The following ADCY2 variants were observed in gnomAD, a reference collection of about 807,000 sequenced individuals.
ADCY2 encodes the protein adenylate cyclase 2.
ADCY2 carries 31 observed loss-of-function variants against 125.2 expected under a neutral mutation model. The observed-to-expected ratio is 0.25, with a 90% CI of 0.19 to 0.33. The LOEUF (loss-of-function observed/expected upper bound fraction) is 0.33. ADCY2 is among the 10% of genes least tolerant of loss of function. The probability of loss-of-function intolerance (pLI) is 1.00; values close to 1 mark genes in which losing one functional copy is unlikely to be tolerated. For synonymous variants in ADCY2, 512 were observed against 548.4 expected (o/e 0.93, Z 0.93); for missense variants, 904 against 1,418.2 (o/e 0.64, Z 5.82).
At chr5:7,638,117 G>A (rs910259593) in intron 4 of ADCY2, among the ~76,000 whole-genome samples, 7 of 152,168 alleles carry the variant, frequency 4.6e-5, no homozygotes, top group Admixed American at 3.3e-4. Context: ...TGGTGACTGA[G>A]CAGCTTCAAG....
At chr5:7,641,564 G>T (rs924695784) in intron 4 of ADCY2, among the ~76,000 whole-genome samples, 11 of 151,922 alleles carry the variant, frequency 7.2e-5, no homozygotes, top group African/African-American at 2.7e-4. Context: ...ATATCATTTT[G>T]ACTTTTATTT....
chr5:7,826,954 T>C lies in ADCY2; in HGVS notation c.*83T>C. ...CTGACTGCAACTTCTGTCCCTTGTT[T>C]TTGATGTGCGTGCTGTCTGTCCTAT... On this transcript the variant is annotated 3_prime_UTR_variant, in exon 25 of 25. Coordinates refer to ENST00000338316, the MANE Select transcript of ADCY2 (RefSeq NM_020546.3). The C allele has an allele frequency of 6.6e-7, 1 of 1,504,862 alleles. No homozygotes were observed. Among genetic ancestry groups the C allele is most frequent in the Admixed American group, 2.1e-5 (1 of 48,662 alleles). 93.2% of individuals were successfully genotyped at this position (1,504,862 alleles called of 1,614,324 possible).
At chr5:7,482,728 C>T (rs1742776680) in intron 2 of ADCY2, among the ~76,000 whole-genome samples, 1 of 145,194 alleles carries the variant, frequency 6.9e-6, no homozygotes, top group African/African-American at 2.6e-5. Context: ...TGGAACCCAC[C>T]TAAGTGTCTA....
intron 4 of ADCY2, among the ~76,000 whole-genome samples, chr5:7,653,533 G>A (rs972029418): frequency 2.6e-5 from 4 of 152,146 alleles, no homozygotes; most frequent in Admixed American, 1.3e-4. Context: ...GCATGAACCC[G>A]GGAGGTGGAG....
At chr5:7,492,251 T>A (rs896361901) in intron 2 of ADCY2, among the ~76,000 whole-genome samples, 3 of 152,138 alleles carry the variant, frequency 2.0e-5, no homozygotes, top group Non-Finnish European at 4.4e-5. Context: ...GTCAGTGACA[T>A]GTTTGGAAGT....
intron 3 of ADCY2, among the ~76,000 whole-genome samples, chr5:7,527,739 A>G (rs1479635130): frequency 1.3e-5 from 2 of 152,258 alleles, no homozygotes; most frequent in Non-Finnish European, 2.9e-5. Flanking sequence ...CTAATACAGC[A>G]AATCATCTAT....
chr5:7,779,647 A>T (rs1172683675), intron 18 of ADCY2, among the ~76,000 whole-genome samples: 1 of 152,060 alleles, frequency 6.6e-6, no homozygotes, highest in Non-Finnish European at 1.5e-5. Flanking sequence ...TCTAAGCAGG[A>T]GCCTATTCCT....
At chr5:7,508,424 G>A (rs532925709) in intron 2 of ADCY2, among the ~76,000 whole-genome samples, 1 of 152,168 alleles carries the variant, frequency 6.6e-6, no homozygotes, top group Admixed American at 6.5e-5. Context: ...AAGCTCAGCA[G>A]GAAGGATGAA....
intron 3 of ADCY2, among the ~76,000 whole-genome samples, chr5:7,527,580 T>C (rs568365425): frequency 6.6e-6 from 1 of 152,336 alleles, no homozygotes; most frequent in South Asian, 2.1e-4. Flanking sequence ...CAAGAATCCA[T>C]ATTTATTAAA....
chr5:7,812,776 G>A (rs894839690), intron 22 of ADCY2, among the ~76,000 whole-genome samples: 27 of 152,168 alleles, frequency 1.8e-4, no homozygotes, highest in African/African-American at 6.5e-4. Context: ...AGGCTTGGTG[G>A]GCACACAACT....
At chr5:7,804,181 C>T (rs1744689788) in intron 21 of ADCY2, among the ~76,000 whole-genome samples, 1 of 152,026 alleles carries the variant, frequency 6.6e-6, no homozygotes. Context: ...CAGTCCTCAG[C>T]ACTAATAATT....
In ADCY2 at chr5:7,512,218, C is replaced by CAAAAAAAAA. The variant is rs57381383; in HGVS notation, c.409-8506_409-8498dup. Among the ~76,000 whole-genome samples, 144 of 57,830 alleles carry CAAAAAAAAA rather than the reference C, an allele frequency of 2.5e-3. 6 individuals carry two copies. Among genetic ancestry groups the CAAAAAAAAA allele is most frequent in the Middle Eastern group, 0.013 (1 of 76 alleles). 37.9% of individuals were successfully genotyped at this position (57,830 alleles called of 152,430 possible). On this transcript the variant is annotated intron_variant, in intron 2 of 24. Transcript: ENST00000338316. ...CCTGGGCAGTAGAGCATGACTCCAT[C>CAAAAAAAAA]AAAAAAAAAAAAAAAAAAAAAAGAA...
chr5:7,773,631 T>C lies in ADCY2; in HGVS notation c.2384+530T>C, dbSNP rs1560977004. ...AAGTAGCTGTATTCACAAGTTACAG[T>C]GTTACATTTTTCACTAGAGATTTTC... On this transcript the variant is annotated intron_variant, in intron 18 of 24. Coordinates refer to ENST00000338316, the MANE Select transcript of ADCY2 (RefSeq NM_020546.3). Among the ~76,000 whole-genome samples, 3 of 152,316 alleles carry C rather than the reference T, an allele frequency of 2.0e-5. No homozygotes were observed. In the South Asian group the frequency reaches 6.2e-4, roughly 32 times the overall value.
At position 7,741,741 on chromosome 5, in the gene ADCY2, C is replaced by T. The variant is rs1428900355; in HGVS notation, c.1872-1927C>T. ...CCATCACTATCATCATCACCATCACCATCACCATCACCATCCCTATCACTG... is the reference window on the plus strand; with the variant it reads ...CCATCACTATCATCATCACCATCACTATCACCATCACCATCCCTATCACTG... On this transcript the variant is annotated intron_variant, in intron 14 of 24. Transcript: ENST00000338316. 2.4e-4 allele frequency among the ~76,000 whole-genome samples: 35 copies of T among 144,472 alleles called. 1 individual carries two copies. The highest frequency in any genetic ancestry group is 3.5e-3 in the Middle Eastern group (1 of 286). 94.8% of individuals were successfully genotyped at this position (144,472 alleles called of 152,430 possible). A position where few individuals can be genotyped will look rare whatever the true frequency, so the allele number is the denominator to read the frequency against.
At chr5:7,632,506 G>T (rs1738349585) in intron 4 of ADCY2, among the ~76,000 whole-genome samples, 1 of 151,832 alleles carries the variant, frequency 6.6e-6, no homozygotes, top group South Asian at 2.1e-4. Flanking sequence ...GCCAGTGTTG[G>T]TTATTGCTTT....
rs1228157069 is a variant in ADCY2, at chr5:7,462,905, A to G, written c.408+48135A>G. 2.0e-5 allele frequency among the ~76,000 whole-genome samples: 3 copies of G among 152,250 alleles called. No homozygotes were observed. In the South Asian group the frequency reaches 6.2e-4, roughly 32 times the overall value. On this transcript the variant is annotated intron_variant, in intron 2 of 24. Transcript: ENST00000338316. Reference sequence around the variant, plus strand: ...AGGATATTGCAGTGTCCAGGGAATGAAGGGGTTGAGCAGATGAGACCTCCC... The same window carrying G: ...AGGATATTGCAGTGTCCAGGGAATGGAGGGGTTGAGCAGATGAGACCTCCC...
At chr5:7,518,073 A>G (rs9313193) in intron 2 of ADCY2, among the ~76,000 whole-genome samples, 138,004 of 152,230 alleles carry the variant, frequency 0.91, 63,132 homozygotes, top group Non-Finnish European at 0.97. Flanking sequence ...AGATTCCAAA[A>G]TAAATTTCAT....
At chr5:7,712,440 T>C (rs1473450710) in intron 10 of ADCY2, among the ~76,000 whole-genome samples, 1 of 152,194 alleles carries the variant, frequency 6.6e-6, no homozygotes, top group Non-Finnish European at 1.5e-5. Flanking sequence ...TGACTACAGA[T>C]TTTGTGGTTA....
At chr5:7,480,275 C>T (rs1399854741) in intron 2 of ADCY2, among the ~76,000 whole-genome samples, 2 of 152,122 alleles carry the variant, frequency 1.3e-5, no homozygotes, top group African/African-American at 4.8e-5. Flanking sequence ...GAATATAAAT[C>T]GTTCCATTAT....
Sources: gnomAD v4.1 joint callset for allele counts (sites outside exome capture counted in the v4.1 genomes callset) on GRCh38, gnomAD v4.1.1 for gene constraint, MANE v1.5 for transcripts, NCBI Gene and HGNC (gene_info 2026-07-23, HGNC 2026-07-21) for gene names.